The following PRCD variants were observed in gnomAD, a reference collection of about 807,000 sequenced individuals.
PRCD encodes photoreceptor disk component PRCD.
Under a neutral mutation model 10.1 loss-of-function variants are expected in PRCD, and 12 were observed. The observed-to-expected ratio is 1.18, with a 90% CI of 0.76 to 1.92. PRCD has a LOEUF of 1.92. Among genes scored for constraint, PRCD ranks in the 40% most tolerant of loss-of-function variants. PRCD has a pLI of 0.00. For synonymous variants in PRCD, 31 were observed against 26.2 expected, an observed-to-expected ratio of 1.18 and a Z score of -0.56; for missense variants, 61 against 72.2, an observed-to-expected ratio of 0.84 and a Z score of 0.56.
chr17:76,535,484 G>C (rs150044095), upstream of PRCD, among the ~76,000 whole-genome samples: 654 of 152,268 alleles, frequency 4.3e-3, 9 homozygotes, highest in African/African-American at 0.015. Flanking sequence ...AGGAAAGCAA[G>C]GCCCTGTGGG....
Position 76,528,717 on chromosome 17 carries a change from G to C in PRCD, n.45+884G>C. 8.9e-7 allele frequency: 1 copy of C among 1,127,972 alleles called. No individual in the cohort carries two copies. The highest frequency in any genetic ancestry group is 1.1e-6 in the Non-Finnish European group (1 of 879,604). 69.9% of individuals were successfully genotyped at this position (1,127,972 alleles called of 1,614,324 possible). A position where few individuals can be genotyped will look rare whatever the true frequency, so the allele number is the denominator to read the frequency against. ...GCTGGCGAGGCTCACTTCCTGCCAA[G>C]AGATCCGGCACAGTGCAGTTGAAAG... On this transcript the variant is annotated intron_variant and non_coding_transcript_variant, in intron 1 of 4. Transcript: ENST00000397633. This position sits in a 1 kb window ranked among gnomAD's most constrained non-coding sequence, Gnocchi z 5.8.
rs978716792 is a variant in PRCD at position 76,527,944 on chromosome 17, C to T, written n.45+111C>T. ...GAAGGGGCTGGGCTTTGCCGCCAAG[C>T]CGGGTTGCCCCAGCCCTGCCCCTCC... On this transcript the variant is annotated intron_variant and non_coding_transcript_variant, in intron 1 of 4. Transcript: ENST00000397633. 132 of 387,396 alleles carry T rather than the reference C, an allele frequency of 3.4e-4. 1 individual carries two copies. Among genetic ancestry groups the T allele is most frequent in the South Asian group, 2.4e-3 (127 of 53,948 alleles). The allele number at this position is 387,396 out of a possible 1,614,324, so 24.0% of individuals were successfully genotyped here. A position where few individuals can be genotyped will look rare whatever the true frequency, so the allele number is the denominator to read the frequency against.
At position 76,540,668 on chromosome 17, in the gene PRCD, T is replaced by C; in HGVS notation, c.143+95T>C. The C allele has an allele frequency of 8.0e-7, 1 of 1,253,998 alleles. No homozygotes were observed. Among genetic ancestry groups the C allele is most frequent in the Non-Finnish European group, 1.2e-6 (1 of 866,124 alleles). The allele number at this position is 1,253,998 out of a possible 1,614,324, so 77.7% of individuals were successfully genotyped here. A position where few individuals can be genotyped will look rare whatever the true frequency, so the allele number is the denominator to read the frequency against. ...GTGCACGTGTGTGCCTGTGCGCGCC[T>C]GTGCGTGCACCGTATCCTGGCCCTT... On this transcript the variant is annotated intron_variant, in intron 2 of 4. Coordinates refer to ENST00000592014, the MANE Select transcript of PRCD (RefSeq NM_001077620.3). This position sits in a 1 kb window ranked among gnomAD's most constrained non-coding sequence, Gnocchi z 5.0.
At chr17:76,543,213 G>C in intron 4 of PRCD, 92 bp downstream of exon 4, 1 of 405,474 alleles carries the variant, frequency 2.5e-6, no homozygotes, top group Non-Finnish European at 5.1e-6. Context: ...GCTGGGCCTG[G>C]CAGAAAGAGC....
upstream of PRCD, chr17:76,538,603 A>C: frequency 2.4e-6 from 1 of 421,388 alleles, no homozygotes; most frequent in Non-Finnish European, 5.0e-6. Flanking sequence ...GGCAGACAAA[A>C]AGTCTTGAGG....
chr17:76,547,665 ATT>A (rs1309754599), downstream of PRCD, among the ~76,000 whole-genome samples: 17 of 143,678 alleles, frequency 1.2e-4, no homozygotes, highest in African/African-American at 4.5e-4. Flanking sequence ...ACACACACAT[ATT>A]CACACACAGA....
In PRCD at chr17:76,531,318, T is replaced by C. The variant is rs2074838651; in HGVS notation, n.45+3485T>C. 8.2e-7 allele frequency: 1 copy of C among 1,225,142 alleles called. No homozygotes were observed. The highest frequency in any genetic ancestry group is 1.1e-6 in the Non-Finnish European group (1 of 881,136). 75.9% of individuals were successfully genotyped at this position (1,225,142 alleles called of 1,614,324 possible). On this transcript the variant is annotated intron_variant and non_coding_transcript_variant, in intron 1 of 4. Coordinates refer to the PRCD transcript ENST00000397633. This position sits in a 1 kb window ranked among gnomAD's most constrained non-coding sequence, Gnocchi z 7.4. ...TGCCCTGGACCCAGCCCCTCCATCC[T>C]GCTGCCGGGCACTGCCCCTCCCTCT...
chr17:76,539,609 T>A (rs1018778239), upstream of PRCD, among the ~76,000 whole-genome samples: 2 of 152,206 alleles, frequency 1.3e-5, no homozygotes, highest in African/African-American at 4.8e-5. Flanking sequence ...TTGCTTCACC[T>A]CCATTCACCT....
At chr17:76,552,887 TATATATATATAAAA>T (rs1567917455) in intron 1 of PRCD, 9 of 122,708 alleles carry the variant, frequency 7.3e-5, no homozygotes, top group African/African-American at 2.8e-4. Flanking sequence ...AAAAAATATA[TATATATATATAAAA>T]ATATATATAT....
chr17:76,552,288 G>A (rs12947793), intron 1 of PRCD: 130,866 of 151,868 alleles, frequency 0.86, 59,252 homozygotes, highest in East Asian at 1. Flanking sequence ...TCTGCCTCCC[G>A]GGTTCAAGCC....
upstream of PRCD, chr17:76,539,891 A>ATACG: frequency 1.7e-6 from 1 of 586,082 alleles, no homozygotes; most frequent in Non-Finnish European, 3.0e-6. Context: ...GAGACTCCGA[A>ATACG]TACGTGCTCA....
At chr17:76,527,606 G>A (rs1280327277), upstream of PRCD, 2 of 453,190 alleles carry the variant, frequency 4.4e-6, no homozygotes, top group Non-Finnish European at 8.9e-6. Flanking sequence ...CCGACTGCCG[G>A]CCAGGAGGAG....
chr17:76,537,118 C>T (rs1479335309), upstream of PRCD, among the ~76,000 whole-genome samples: 1 of 152,156 alleles, frequency 6.6e-6, no homozygotes, highest in East Asian at 1.9e-4. Context: ...GGGTGGCTGG[C>T]CGAGCAAGGA....
Position 76,544,299 on chromosome 17 carries a change from G to C in PRCD, c.*649G>C. The C allele has an allele frequency of 2.2e-6, 1 of 454,484 alleles. No homozygotes were observed. Among genetic ancestry groups the C allele is most frequent in the Non-Finnish European group, 4.4e-6 (1 of 226,814 alleles). 28.2% of individuals were successfully genotyped at this position (454,484 alleles called of 1,614,324 possible). On this transcript the variant is annotated 3_prime_UTR_variant, in exon 5 of 5. Coordinates refer to ENST00000592014, the MANE Select transcript of PRCD (RefSeq NM_001077620.3). ...GGCCCGTGCCCTTGACTTCCAGGCAGTAGAAGATGGAGTTCTCTAGACAGC... is the reference window on the plus strand; with the variant it reads ...GGCCCGTGCCCTTGACTTCCAGGCACTAGAAGATGGAGTTCTCTAGACAGC...
At position 76,540,049 on chromosome 17, in the gene PRCD, G is replaced by T; in HGVS notation, c.-93G>T. On this transcript the variant is annotated 5_prime_UTR_variant, in exon 1 of 5. Transcript: ENST00000592014. This position sits in a 1 kb window ranked among gnomAD's most constrained non-coding sequence, Gnocchi z 5.0. ...CCCAGCAGGAACCGCAGGACAGACG[G>T]CAGTGGCTCCTGAGAGCTGGCTGGG... The T allele has an allele frequency of 1.5e-6, 2 of 1,311,150 alleles. No individual in the cohort carries two copies. The highest frequency in any genetic ancestry group is 2.2e-6 in the Non-Finnish European group (2 of 928,372). 81.2% of individuals were successfully genotyped at this position (1,311,150 alleles called of 1,614,324 possible).
At chr17:76,527,668 A>C (rs1419764508), upstream of PRCD, 1 of 453,834 alleles carries the variant, frequency 2.2e-6, no homozygotes, top group Non-Finnish European at 4.4e-6. Context: ...AGACCCAGGC[A>C]TGTGGTCCCG....
At chr17:76,548,240 A>T (rs1440225521), downstream of PRCD, among the ~76,000 whole-genome samples, 1 of 152,026 alleles carries the variant, frequency 6.6e-6, no homozygotes, top group Non-Finnish European at 1.5e-5. Context: ...TAGCATACAC[A>T]TACACACAGT....
chr17:76,529,085 G>A (rs887288101), intron 1 of PRCD: 3 of 969,780 alleles, frequency 3.1e-6, no homozygotes, highest in Non-Finnish European at 3.6e-6. Flanking sequence ...CGCACACCCT[G>A]GAGCAGAGAC....
downstream of PRCD, among the ~76,000 whole-genome samples, chr17:76,548,444 G>A (rs1234696418): frequency 6.6e-6 from 1 of 152,232 alleles, no homozygotes; most frequent in African/African-American, 2.4e-5. Context: ...CAGGTGTCAG[G>A]AGTGACACTC....
Sources: allele counts gnomAD v4.1 joint callset (sites outside exome capture counted in the v4.1 genomes callset), GRCh38; gene constraint gnomAD v4.1.1; non-coding constraint Gnocchi (gnomAD v3.1); transcripts MANE v1.5; gene names NCBI Gene and HGNC (gene_info 2026-07-23, HGNC 2026-07-21).